ARB2A: variants seen among roughly 807,000 people sequenced by gnomAD.
ARB2A encodes the protein cotranscriptional regulator ARB2A.
chr5:93,621,219 G>A, the ARB2A span: 2 of 1,272,672 alleles, frequency 1.6e-6, no homozygotes, highest in East Asian at 5.9e-5. Context: ...CCCGGCTCCC[G>A]ACCACCCGGT....
the ARB2A span, among the ~76,000 whole-genome samples, chr5:94,092,686 T>C: frequency 2.4e-4 from 37 of 152,344 alleles, 1 homozygote; most frequent in Non-Finnish European, 2.9e-4. Flanking sequence ...TAGATTTTTC[T>C]ATTTTCAACT....
the ARB2A span, among the ~76,000 whole-genome samples, chr5:93,879,161 A>G: frequency 3.4e-3 from 517 of 152,162 alleles, 3 homozygotes; most frequent in Non-Finnish European, 3.4e-3. Context: ...CACTAGCAGA[A>G]GTCATTTCCA....
the ARB2A span, among the ~76,000 whole-genome samples, chr5:93,907,387 ATTC>A: frequency 4.6e-5 from 7 of 151,492 alleles, no homozygotes; most frequent in African/African-American, 1.7e-4. Context: ...ATGCTCAAGG[ATTC>A]TTATTTTCAG....
the ARB2A span, among the ~76,000 whole-genome samples, chr5:93,636,272 C>T: frequency 6.6e-6 from 1 of 152,126 alleles, no homozygotes; most frequent in Non-Finnish European, 1.5e-5. Flanking sequence ...TGTTCTAAAG[C>T]CCAGAGACCA....
At chr5:93,742,214 T>A in the ARB2A span, among the ~76,000 whole-genome samples, 1 of 152,068 alleles carries the variant, frequency 6.6e-6, no homozygotes. Flanking sequence ...TGTAACTAAT[T>A]CCATGTTTCT....
At chr5:94,092,441 T>G in the ARB2A span, among the ~76,000 whole-genome samples, 22 of 152,350 alleles carry the variant, frequency 1.4e-4, no homozygotes, top group South Asian at 4.6e-3. Context: ...TGGTTCCTGA[T>G]ATATCATGAC....
At chr5:93,737,916 CTT>C in the ARB2A span, 3 of 448,088 alleles carry the variant, frequency 6.7e-6, no homozygotes, top group Non-Finnish European at 1.3e-5. Context: ...ATCTTCATGA[CTT>C]TGCATTTGGC....
At chr5:94,062,049 G>C in the ARB2A span, among the ~76,000 whole-genome samples, 1 of 152,182 alleles carries the variant, frequency 6.6e-6, no homozygotes, top group South Asian at 2.1e-4. Context: ...CTGTAATTAA[G>C]AGAGTGTGGT....
chr5:93,725,261 C>T, the ARB2A span, among the ~76,000 whole-genome samples: 14 of 152,106 alleles, frequency 9.2e-5, no homozygotes, highest in South Asian at 2.9e-3. Context: ...TCTACCTTCT[C>T]TGAGGATATA....
At chr5:94,106,663 G>C in the ARB2A span, among the ~76,000 whole-genome samples, 4 of 151,792 alleles carry the variant, frequency 2.6e-5, no homozygotes, top group African/African-American at 9.7e-5. Context: ...CTAATAAAAA[G>C]ACAACATGTA....
At chr5:93,800,752 G>A in the ARB2A span, among the ~76,000 whole-genome samples, 2 of 151,998 alleles carry the variant, frequency 1.3e-5, no homozygotes, top group Non-Finnish European at 2.9e-5. Context: ...AAGATTTCAA[G>A]CTATAATTAT....
chr5:93,952,089 C>T, the ARB2A span, among the ~76,000 whole-genome samples: 85 of 152,198 alleles, frequency 5.6e-4, 1 homozygote, highest in East Asian at 0.016. Context: ...GAAGTTGCCA[C>T]CTTTGTAATA....
chr5:93,703,492 T>C, the ARB2A span, among the ~76,000 whole-genome samples: 2 of 152,182 alleles, frequency 1.3e-5, no homozygotes, highest in African/African-American at 4.8e-5. Flanking sequence ...CCTTCACACA[T>C]TTGTGGAAAA....
the ARB2A span, among the ~76,000 whole-genome samples, chr5:93,661,778 T>A: frequency 4.6e-5 from 7 of 152,144 alleles, no homozygotes; most frequent in Non-Finnish European, 8.8e-5. Flanking sequence ...AGGAAAAAGA[T>A]GAGAAAAAAT....
the ARB2A span, among the ~76,000 whole-genome samples, chr5:94,064,076 A>G: frequency 6.6e-6 from 1 of 152,144 alleles, no homozygotes; most frequent in Non-Finnish European, 1.5e-5. Flanking sequence ...ACAAGGGAAT[A>G]CAAAAAAGCA....
At chr5:94,023,625 G>T in the ARB2A span, among the ~76,000 whole-genome samples, 1 of 152,184 alleles carries the variant, frequency 6.6e-6, no homozygotes, top group Non-Finnish European at 1.5e-5. Flanking sequence ...CTACAATGAT[G>T]AATAAAACCA....
At chr5:93,715,328 A>G in the ARB2A span, among the ~76,000 whole-genome samples, 1 of 152,224 alleles carries the variant, frequency 6.6e-6, no homozygotes, top group Non-Finnish European at 1.5e-5. Flanking sequence ...TATTAATTTA[A>G]AATTTATTAC....
the ARB2A span, among the ~76,000 whole-genome samples, chr5:93,928,975 G>A: frequency 7.3e-4 from 111 of 151,522 alleles, no homozygotes; most frequent in East Asian, 1.4e-3. Flanking sequence ...GAAGTCAACT[G>A]GTAACTGTTA....
chr5:93,655,970 T>C, the ARB2A span, among the ~76,000 whole-genome samples: 7 of 152,352 alleles, frequency 4.6e-5, no homozygotes, highest in South Asian at 1.2e-3. Flanking sequence ...TCTTGGCTCA[T>C]GTTTATTGTC....
Sources: allele counts gnomAD v4.1 joint callset (sites outside exome capture counted in the v4.1 genomes callset), GRCh38; gene constraint gnomAD v4.1.1; transcripts MANE v1.5; gene names NCBI Gene and HGNC (gene_info 2026-07-23, HGNC 2026-07-21).